SLC35A1: variants seen among roughly 807,000 people sequenced by gnomAD.
SLC35A1 encodes CMP-sialic acid transporter.
In SLC35A1, 21 loss-of-function variants were observed where a neutral mutation model predicts 40.3. The observed-to-expected ratio is 0.52, with a 90% confidence interval of 0.37 to 0.75. The LOEUF (loss-of-function observed/expected upper bound fraction) is 0.75, where lower values mean the gene tolerates loss of function less well. Ranked by LOEUF, SLC35A1 falls within the 30% of genes least tolerant of loss-of-function variation. The probability of loss-of-function intolerance (pLI) is 0.00; values close to 1 mark genes in which losing one functional copy is unlikely to be tolerated. For synonymous variants in SLC35A1, 146 were observed against 147.3 expected (o/e 0.99, Z 0.06); for missense variants, 297 against 382.1 (o/e 0.78, Z 1.86).
rs778243067 is a variant in SLC35A1, at chr6:87,500,685, T to A, written c.354+18T>A. 8.1e-6 allele frequency: 13 copies of A among 1,612,902 alleles called. 1 individual carries two copies. The highest frequency in any genetic ancestry group is 1.1e-5 in the Non-Finnish European group (13 of 1,178,988). On this transcript the variant is annotated intron_variant, in intron 3 of 7. Coordinates refer to ENST00000369552, the MANE Select transcript of SLC35A1 (RefSeq NM_006416.5). ...TGTACCAGGTAAGTGGAGTTAATGATAATGAAAAGCACAGAATCTTTTATG... is the reference window on the plus strand; with the variant it reads ...TGTACCAGGTAAGTGGAGTTAATGAAAATGAAAAGCACAGAATCTTTTATG...
At chr6:87,490,200 G>A (rs1769506714) in intron 2 of SLC35A1, among the ~76,000 whole-genome samples, 1 of 151,962 alleles carries the variant, frequency 6.6e-6, no homozygotes, top group African/African-American at 2.4e-5. Flanking sequence ...CTGTACTCTA[G>A]CTTGGGGGAT....
At chr6:87,490,023 G>A (rs1408197043) in intron 2 of SLC35A1, among the ~76,000 whole-genome samples, 1 of 151,940 alleles carries the variant, frequency 6.6e-6, no homozygotes, top group African/African-American at 2.4e-5. Context: ...GAGGCCAGGG[G>A]TTAAAGACCA....
intron 2 of SLC35A1, among the ~76,000 whole-genome samples, chr6:87,499,762 C>T (rs1209839347): frequency 2.0e-5 from 3 of 151,826 alleles, no homozygotes; most frequent in African/African-American, 7.3e-5. Context: ...CTTCCTAACC[C>T]ACTTAACGAA....
Position 87,501,166 on chromosome 6 carries a change from C to T in SLC35A1, c.363C>T (p.Tyr121=), listed in dbSNP as rs767188289. 1.3e-5 allele frequency: 21 copies of T among 1,612,582 alleles called. No individual in the cohort carries two copies. The highest frequency in any genetic ancestry group is 1.7e-5 in the Non-Finnish European group (20 of 1,178,812). ...CATTCTCTTTTTTTTAGGTGACCTACCAGTTGAAGATTCCGTGTACTGCTT... is the reference window on the plus strand; with the variant it reads ...CATTCTCTTTTTTTTAGGTGACCTATCAGTTGAAGATTCCGTGTACTGCTT... ...NLDAAVYQVT[Y]QLKIPCTALC... Residue 121 remains tyrosine (Y), a synonymous_variant, in exon 4 of 8, where the codon TAC becomes TAT. Coordinates refer to ENST00000369552, the MANE Select transcript of SLC35A1 (RefSeq NM_006416.5).
intron 4 of SLC35A1, 123 bp downstream of exon 4, chr6:87,501,433 C>T (rs1195136139): frequency 2.9e-6 from 3 of 1,035,702 alleles, no homozygotes; most frequent in South Asian, 1.4e-5. Context: ...TAACTTTTGC[C>T]TTATAGATAG....
chr6:87,480,747 G>C (rs572359900), intron 2 of SLC35A1, among the ~76,000 whole-genome samples: 4 of 128,766 alleles, frequency 3.1e-5, no homozygotes, highest in African/African-American at 8.8e-5. Flanking sequence ...TAGGCACTGT[G>C]TTAGGAAAGG....
At chr6:87,489,681 A>G (rs1444843378) in intron 2 of SLC35A1, among the ~76,000 whole-genome samples, 1 of 151,600 alleles carries the variant, frequency 6.6e-6, no homozygotes, top group East Asian at 1.9e-4. Context: ...AGCTGGGACT[A>G]CAGGCATGTG....
intron 5 of SLC35A1, among the ~76,000 whole-genome samples, 166 bp from the exon 6 acceptor site, chr6:87,508,253 TA>T (rs1335454323): frequency 6.6e-6 from 1 of 152,162 alleles, no homozygotes; most frequent in Non-Finnish European, 1.5e-5. Context: ...TAATGTACAG[TA>T]TGTCATGTGT....
chr6:87,504,571 C>G (rs945208360), intron 4 of SLC35A1, among the ~76,000 whole-genome samples: 3 of 152,154 alleles, frequency 2.0e-5, no homozygotes, highest in Non-Finnish European at 4.4e-5. Context: ...TGAAGTTTTA[C>G]ATTTTTGAGT....
At chr6:87,494,835 G>A (rs1296318687) in intron 2 of SLC35A1, among the ~76,000 whole-genome samples, 3 of 152,086 alleles carry the variant, frequency 2.0e-5, no homozygotes, top group Non-Finnish European at 4.4e-5. Context: ...TGCAATTCAC[G>A]GGAAAATTGT....
chr6:87,476,973 C>G (rs1275346152), intron 1 of SLC35A1, among the ~76,000 whole-genome samples: 3 of 152,050 alleles, frequency 2.0e-5, no homozygotes, highest in Admixed American at 6.5e-5. Context: ...GAGCTGAGAT[C>G]GCGCCACTGT....
intron 2 of SLC35A1, among the ~76,000 whole-genome samples, chr6:87,480,590 A>T (rs949972276): frequency 6.6e-6 from 1 of 152,118 alleles, no homozygotes; most frequent in Non-Finnish European, 1.5e-5. Context: ...AGGTTTGTGA[A>T]AGGGGCAGTT....
At chr6:87,487,629 C>G (rs755346863) in intron 2 of SLC35A1, among the ~76,000 whole-genome samples, 6 of 152,158 alleles carry the variant, frequency 3.9e-5, no homozygotes, top group Non-Finnish European at 7.3e-5. Flanking sequence ...TATAGCATAT[C>G]CTTCTTATAC....
chr6:87,487,228 CAT>C (rs1769416611), intron 2 of SLC35A1, among the ~76,000 whole-genome samples: 1 of 152,070 alleles, frequency 6.6e-6, no homozygotes, highest in Admixed American at 6.6e-5. Context: ...GAGGGACTAA[CAT>C]AGAACCCATG....
intron 4 of SLC35A1, among the ~76,000 whole-genome samples, chr6:87,503,622 G>A (rs1024251368): frequency 6.6e-6 from 1 of 152,180 alleles, no homozygotes; most frequent in African/African-American, 2.4e-5. Flanking sequence ...TGAGGCAGGA[G>A]AATCGCTTGA....
chr6:87,499,513 T>A (rs533831359), intron 2 of SLC35A1, among the ~76,000 whole-genome samples: 1 of 152,322 alleles, frequency 6.6e-6, no homozygotes, highest in East Asian at 1.9e-4. Context: ...ATTAGCCACG[T>A]CCTTCTGAAA....
At chr6:87,477,838 G>T (rs544318161) in intron 2 of SLC35A1, among the ~76,000 whole-genome samples, 1 of 152,304 alleles carries the variant, frequency 6.6e-6, no homozygotes, top group African/African-American at 2.4e-5. Context: ...CGCTGCTGTA[G>T]AATAGAAGTT....
chr6:87,508,319 A>G (rs1473837005), intron 5 of SLC35A1, 101 bp from the exon 6 acceptor site: 1 of 801,752 alleles, frequency 1.2e-6, no homozygotes, highest in African/African-American at 1.7e-5. Context: ...TGTTCCCCAA[A>G]TCATATACTT....
At chr6:87,475,134 A>G (rs899614379) in intron 1 of SLC35A1, among the ~76,000 whole-genome samples, 9 of 151,974 alleles carry the variant, frequency 5.9e-5, no homozygotes, top group African/African-American at 1.2e-4. Flanking sequence ...TGTTGTAGGG[A>G]AAAAAAAGTA....
Sources: allele counts gnomAD v4.1 joint callset (sites outside exome capture counted in the v4.1 genomes callset), GRCh38; gene constraint gnomAD v4.1.1; transcripts MANE v1.5; gene names NCBI Gene and HGNC (gene_info 2026-07-23, HGNC 2026-07-21).